PREP: variants seen among roughly 807,000 people sequenced by gnomAD.
The protein encoded by PREP is prolyl endopeptidase.
A neutral mutation model predicts 87.6 loss-of-function variants in PREP; 29 were observed. The observed-to-expected ratio is 0.33, with a 90% confidence interval of 0.25 to 0.45. The LOEUF (loss-of-function observed/expected upper bound fraction) is 0.45. PREP is among the 20% of genes least tolerant of loss of function. The pLI, the probability that PREP is intolerant of heterozygous loss-of-function variation, is 1.00. For synonymous variants in PREP, 337 were observed against 328.6 expected (o/e 1.03, Z -0.28); for missense variants, 695 against 886.5 (o/e 0.78, Z 2.74).
chr6:105,391,341 C>T (rs1773140543), intron 2 of PREP, among the ~76,000 whole-genome samples: 1 of 151,972 alleles, frequency 6.6e-6, no homozygotes, highest in South Asian at 2.1e-4. Context: ...GAGATCGTGC[C>T]ACTGCAATCC....
At chr6:105,289,024 A>G in intron 10 of PREP, 130 bp from the exon 11 acceptor site, 1 of 885,378 alleles carries the variant, frequency 1.1e-6, no homozygotes, top group Non-Finnish European at 1.7e-6. Flanking sequence ...GTACCTCTCA[A>G]GGGCTATTTG....
At chr6:105,352,551 A>G (rs1266452071) in intron 7 of PREP, among the ~76,000 whole-genome samples, 1 of 152,166 alleles carries the variant, frequency 6.6e-6, no homozygotes, top group Non-Finnish European at 1.5e-5. Flanking sequence ...GGGTCTGGCT[A>G]TGTTGCCCAG....
chr6:105,402,431 C>CACACACACACACACAA (rs1286878907), intron 1 of PREP, among the ~76,000 whole-genome samples: 210 of 151,232 alleles, frequency 1.4e-3, no homozygotes, highest in African/African-American at 4.8e-3. Flanking sequence ...CACACACACA[C>CACACACACACACACAA]ACACACACAC....
At chr6:105,374,246 T>A (rs1005518508) in intron 4 of PREP, among the ~76,000 whole-genome samples, 2 of 152,202 alleles carry the variant, frequency 1.3e-5, no homozygotes, top group Non-Finnish European at 2.9e-5. Flanking sequence ...TTTAGGGCCC[T>A]GGCAGAATGT....
chr6:105,376,208 T>G lies in PREP; in HGVS notation c.302A>C (p.Tyr101Ser), dbSNP rs1450488872. 6.2e-7 allele frequency: 1 copy of G among 1,613,626 alleles called. No homozygotes were observed. The highest frequency in any genetic ancestry group is 1.3e-5 in the African/African-American group (1 of 74,908). ...NTGLQNQRVL[Y>S]VQDSLEGEAR... ...CTCACCCTCTAAGGAATCCTGTACA[T>G]ATAATACTCGCTGGTTCTGCAAACC... is the stretch of plus-strand genomic sequence containing the variant. The change falls in exon 4 of 15, where the codon TAT becomes TCT. Residue 101 changes from tyrosine to serine, a missense_variant. Transcript: ENST00000652536.
At chr6:105,394,741 G>A (rs931235477) in intron 2 of PREP, among the ~76,000 whole-genome samples, 1 of 152,190 alleles carries the variant, frequency 6.6e-6, no homozygotes. Context: ...GAAGATGGCT[G>A]TACTCCAGCC....
Position 105,276,766 on chromosome 6 carries a change from T to G in PREP, c.*1378A>C, listed in dbSNP as rs17065726. Among the ~76,000 whole-genome samples the G allele has an allele frequency of 0.022, 3,295 of 152,312 alleles. 112 individuals carry two copies. The highest frequency in any genetic ancestry group is 0.066 in the African/African-American group (2,745 of 41,568). ...TAGCTGTCTTTCAATATGCTTGGTA[T>G]GCAGTGATATGCTTGATAGAAAATG... On this transcript the variant is annotated 3_prime_UTR_variant, in exon 15 of 15. Coordinates refer to ENST00000652536, the MANE Select transcript of PREP (RefSeq NM_002726.5).
At chr6:105,323,896 C>A in intron 9 of PREP, 128 bp from the exon 10 acceptor site, 1 of 788,168 alleles carries the variant, frequency 1.3e-6, no homozygotes, top group Non-Finnish European at 2.1e-6. Context: ...CTTGGTTAAT[C>A]CCCACCACAG....
chr6:105,309,575 TTTTTTTC>T (rs1360519420), intron 10 of PREP, among the ~76,000 whole-genome samples: 6 of 151,882 alleles, frequency 4.0e-5, no homozygotes, highest in Non-Finnish European at 5.9e-5. Context: ...GAAAACTACC[TTTTTTTC>T]TTTTTTCTTT....
intron 7 of PREP, among the ~76,000 whole-genome samples, chr6:105,340,880 A>G (rs1472518619): frequency 1.3e-5 from 2 of 152,226 alleles, no homozygotes; most frequent in Non-Finnish European, 2.9e-5. Context: ...GAGCACCCAG[A>G]TTCATAAAGC....
chr6:105,296,198 T>C lies in PREP; in HGVS notation c.1318-7304A>G, dbSNP rs80150692. On this transcript the variant is annotated intron_variant, in intron 10 of 14. Transcript: ENST00000652536. ...GTAATAGGCAAACACTGCCATTTCC[T>C]TACTGTATTTTTTTTATTAGCAAAC... Among the ~76,000 whole-genome samples, 1,234 of 152,324 alleles carry C rather than the reference T, an allele frequency of 8.1e-3. 45 individuals are homozygous for C. The East Asian group carries it at 0.1, about 13-fold the overall frequency.
Position 105,274,924 on chromosome 6 carries a change from T to G in PREP, c.*3220A>C, listed in dbSNP as rs1769904742. ...ACAAACATTCATCCACACAGAGTGC[T>G]TGCAGCGGGTGGCACAGGGTAAACA... is the stretch of plus-strand genomic sequence containing the variant. On this transcript the variant is annotated 3_prime_UTR_variant, in exon 15 of 15. Coordinates refer to ENST00000652536, the MANE Select transcript of PREP (RefSeq NM_002726.5). 6.6e-6 allele frequency among the ~76,000 whole-genome samples: 1 copy of G among 152,198 alleles called. No individual in the cohort carries two copies. Among genetic ancestry groups the G allele is most frequent in the Admixed American group, 6.5e-5 (1 of 15,284 alleles).
chr6:105,402,223 C>A (rs1773450251), intron 1 of PREP, among the ~76,000 whole-genome samples: 1 of 152,162 alleles, frequency 6.6e-6, no homozygotes, highest in Non-Finnish European at 1.5e-5. Flanking sequence ...ATCAGCACGG[C>A]CACACTATGG....
chr6:105,308,181 T>A (rs1770691268), intron 10 of PREP, among the ~76,000 whole-genome samples: 1 of 151,846 alleles, frequency 6.6e-6, no homozygotes, highest in Non-Finnish European at 1.5e-5. Flanking sequence ...AGCTATTTTT[T>A]AAAAAGATGA....
chr6:105,386,071 GATA>G (rs1772987221), intron 2 of PREP, among the ~76,000 whole-genome samples: 1 of 152,176 alleles, frequency 6.6e-6, no homozygotes, highest in Non-Finnish European at 1.5e-5. Flanking sequence ...AGTGAGCCGA[GATA>G]GCACCATTGC....
rs1771242733 is a variant in PREP, at chr6:105,328,898, T to C, written c.1144A>G (p.Ile382Val). Residue 382 changes from isoleucine (I) to valine (V), a missense_variant, in exon 9 of 15, where the codon ATT becomes GTT. Physicochemically the swap from Ile to Val is conservative, Grantham distance 29 (BLOSUM62 3). Transcript: ENST00000652536. ...TTCTTCTGACCGCTGTACCCTACAATGCTGCCGACATCGAGCGGGAAGGTC... is the reference window on the plus strand; with the variant it reads ...TTCTTCTGACCGCTGTACCCTACAACGCTGCCGACATCGAGCGGGAAGGTC... Reference protein sequence around the residue: ...LKTFPLDVGSIVGYSGQKKDT... With the variant: ...LKTFPLDVGSVVGYSGQKKDT... 1.9e-6 allele frequency: 3 copies of C among 1,614,172 alleles called. No individual in the cohort carries two copies. Among genetic ancestry groups the C allele is most frequent in the South Asian group, 1.1e-5 (1 of 91,078 alleles).
At chr6:105,309,397 T>C (rs1325390379) in intron 10 of PREP, among the ~76,000 whole-genome samples, 1 of 151,900 alleles carries the variant, frequency 6.6e-6, no homozygotes, top group Non-Finnish European at 1.5e-5. Context: ...ATATTGTGGG[T>C]GTAATGTGTT....
chr6:105,360,142 G>C (rs965581155), intron 6 of PREP, among the ~76,000 whole-genome samples: 4 of 152,158 alleles, frequency 2.6e-5, no homozygotes, highest in African/African-American at 7.2e-5. Context: ...ACTAGAAACA[G>C]AACAAGAGTC....
chr6:105,355,092 GTTT>G (rs1213054816), intron 6 of PREP, among the ~76,000 whole-genome samples: 4 of 135,600 alleles, frequency 2.9e-5, no homozygotes, highest in Admixed American at 7.4e-5. Context: ...TCGGGTTGTA[GTTT>G]TTTTTTTTTT....
Sources: allele counts gnomAD v4.1 joint callset (sites outside exome capture counted in the v4.1 genomes callset), GRCh38; gene constraint gnomAD v4.1.1; transcripts MANE v1.5; gene names NCBI Gene and HGNC (gene_info 2026-07-23, HGNC 2026-07-21).